The following TRANK1 variants were observed in gnomAD, a reference collection of about 807,000 sequenced individuals.
The protein encoded by TRANK1 is tetratricopeptide repeat and ankyrin repeat containing 1, also known as TPR and ankyrin repeat-containing protein 1.
In TRANK1, 198 loss-of-function variants were observed where a neutral mutation model predicts 266.0. The ratio of observed to expected loss-of-function variants is 0.74; its 90% confidence interval spans 0.66 to 0.84. The LOEUF is 0.84. TRANK1 is among the 40% of genes least tolerant of loss of function. The pLI, the probability that TRANK1 is intolerant of heterozygous loss-of-function variation, is 0.00. For synonymous variants in TRANK1, 1,396 were observed against 1,384.1 expected (o/e 1.01, Z -0.19); for missense variants, 3,326 against 3,634.6 (o/e 0.92, Z 2.18).
chr3:36,902,203 C>A (rs965003935), intron 3 of TRANK1, among the ~76,000 whole-genome samples: 16 of 152,170 alleles, frequency 1.1e-4, no homozygotes, highest in African/African-American at 3.6e-4. Flanking sequence ...TGTCCTGGGC[C>A]AGGGGTTGGA....
chr3:36,843,609 G>A (rs559259748), intron 17 of TRANK1, among the ~76,000 whole-genome samples: 3 of 146,126 alleles, frequency 2.1e-5, no homozygotes, highest in African/African-American at 7.6e-5. Flanking sequence ...ATCCCCCAGA[G>A]TATCACTAGA....
chr3:36,904,081 G>A (rs761699307), intron 2 of TRANK1, among the ~76,000 whole-genome samples: 13 of 151,708 alleles, frequency 8.6e-5, no homozygotes, highest in African/African-American at 2.7e-4. Context: ...TCAGCCTCCC[G>A]AGTAGCTGGG....
chr3:36,842,650 T>A lies in TRANK1; in HGVS notation c.5252A>T (p.Asp1751Val). The A allele has an allele frequency of 6.2e-7, 1 of 1,613,938 alleles. No individual in the cohort carries two copies. The highest frequency in any genetic ancestry group is 8.5e-7 in the Non-Finnish European group (1 of 1,179,868). The change falls in exon 18 of 24, where the codon GAT becomes GTT. Residue 1751 changes from aspartate (D) to valine (V), a missense_variant. Transcript: ENST00000645898. ...CCAGCACTGGTGCTTGGCGTAGTAA[T>A]CTCCCTGTGCAATCCACTCCGCAGG... ...STPAEWIAQG[D>V]YYAKHQCWKV...
At chr3:36,867,665 T>C (rs981337777) in intron 9 of TRANK1, among the ~76,000 whole-genome samples, 3 of 152,240 alleles carry the variant, frequency 2.0e-5, no homozygotes, top group African/African-American at 7.2e-5. Flanking sequence ...CAAGAGTTTT[T>C]TAAAAGATGA....
intron 2 of TRANK1, 80 bp from the exon 3 acceptor site, chr3:36,903,355 C>G: frequency 6.8e-7 from 1 of 1,472,984 alleles, no homozygotes; most frequent in East Asian, 2.5e-5. Flanking sequence ...TCGGTGCTGG[C>G]TGCTGCCATC....
rs150125602 is a variant in TRANK1 at position 36,830,344 on chromosome 3, T to C, written c.8710+529A>G. 2.0e-3 allele frequency among the ~76,000 whole-genome samples: 300 copies of C among 149,944 alleles called. 4 individuals are homozygous for C. Among genetic ancestry groups the C allele is most frequent in the African/African-American group, 6.8e-3 (277 of 40,982 alleles). On this transcript the variant is annotated intron_variant, in intron 22 of 23. Coordinates refer to ENST00000645898, the MANE Select transcript of TRANK1 (RefSeq NM_001329998.2). ...TAAAAAAAAAAAAAAACGGGAAATC[T>C]GATTCTAAAATAACATAAGAATTCT...
chr3:36,898,795 G>C (rs989317732), intron 4 of TRANK1, among the ~76,000 whole-genome samples: 1 of 150,082 alleles, frequency 6.7e-6, no homozygotes, highest in Non-Finnish European at 1.5e-5. Flanking sequence ...AGCTTGCAGT[G>C]AGCCAAGATC....
At chr3:36,867,271 C>T (rs1024936053) in intron 9 of TRANK1, among the ~76,000 whole-genome samples, 1 of 152,102 alleles carries the variant, frequency 6.6e-6, no homozygotes, top group African/African-American at 2.4e-5. Flanking sequence ...TGCTGCTTGT[C>T]TGCCTGATAG....
chr3:36,878,447 G>T (rs1448651106), intron 8 of TRANK1, among the ~76,000 whole-genome samples: 1 of 152,168 alleles, frequency 6.6e-6, no homozygotes, highest in African/African-American at 2.4e-5. Flanking sequence ...CTAACCATCT[G>T]ATTAGTTTCC....
chr3:36,944,540 G>A lies in TRANK1; in HGVS notation c.23+247C>T, dbSNP rs1361312492. 2.0e-5 allele frequency among the ~76,000 whole-genome samples: 3 copies of A among 152,242 alleles called. No individual in the cohort carries two copies. In the East Asian group the frequency reaches 5.8e-4, roughly 29 times the overall value. On this transcript the variant is annotated intron_variant, in intron 1 of 23. Transcript: ENST00000645898. ...GCTAGGCAGGCCGCGCGCCGCCGCA[G>A]TCCTGTCGCAGCGCGTGCCCTGGTC...
At chr3:36,844,971 C>T (rs1298914709) in intron 17 of TRANK1, among the ~76,000 whole-genome samples, 5 of 151,980 alleles carry the variant, frequency 3.3e-5, no homozygotes, top group Admixed American at 2.0e-4. Context: ...TCATGAAGGG[C>T]TGATTATTTC....
At chr3:36,838,305 C>T in intron 20 of TRANK1, 67 bp downstream of exon 20, 2 of 1,590,322 alleles carry the variant, frequency 1.3e-6, no homozygotes, top group Admixed American at 1.7e-5. Flanking sequence ...AGAGGTCGAG[C>T]CTACCCCTCA....
intron 5 of TRANK1, among the ~76,000 whole-genome samples, chr3:36,895,394 G>A (rs2079773838): frequency 6.6e-6 from 1 of 152,182 alleles, no homozygotes; most frequent in South Asian, 2.1e-4. Context: ...ATTAGCATCT[G>A]TACTTTACAT....
chr3:36,884,933 G>GAA (rs201019383), intron 8 of TRANK1, among the ~76,000 whole-genome samples: 7 of 109,550 alleles, frequency 6.4e-5, no homozygotes, highest in Admixed American at 1.9e-4. Flanking sequence ...CTCTGTCTCA[G>GAA]AAAAAAAAAA....
intron 1 of TRANK1, among the ~76,000 whole-genome samples, chr3:36,922,016 A>G (rs918294049): frequency 6.6e-6 from 1 of 152,194 alleles, no homozygotes; most frequent in Non-Finnish European, 1.5e-5. Flanking sequence ...ACATGGTGGC[A>G]TGCACCTGTA....
Position 36,908,464 on chromosome 3 carries a change from G to A in TRANK1, c.24-10C>T. The A allele has an allele frequency of 8.1e-7, 1 of 1,232,198 alleles. No homozygotes were observed. Among genetic ancestry groups the A allele is most frequent in the African/African-American group, 1.5e-5 (1 of 64,550 alleles). 76.3% of individuals were successfully genotyped at this position (1,232,198 alleles called of 1,614,324 possible). On this transcript the variant is annotated splice_polypyrimidine_tract_variant and intron_variant, in intron 1 of 23. Transcript: ENST00000645898. ...AGCTGTCAGGTCCATCCTGTGAGGA[G>A]ACGGGGGAGACGCTTGCTGCCAGAC...
chr3:36,939,313 T>C (rs2080466297), intron 1 of TRANK1, among the ~76,000 whole-genome samples: 1 of 149,122 alleles, frequency 6.7e-6, no homozygotes, highest in Non-Finnish European at 1.5e-5. Flanking sequence ...CTACTTACCT[T>C]TCTAGTATTC....
chr3:36,924,991 G>A (rs2080268629), intron 1 of TRANK1, among the ~76,000 whole-genome samples: 1 of 152,172 alleles, frequency 6.6e-6, no homozygotes, highest in Non-Finnish European at 1.5e-5. Context: ...AAGGTCTGGG[G>A]TGCTAAGGCT....
At chr3:36,892,860 TATATATATATAG>T (rs1178843715) in intron 6 of TRANK1, 29 bp downstream of exon 6, 233 of 721,812 alleles carry the variant, frequency 3.2e-4, no homozygotes, top group African/African-American at 2.0e-3. Context: ...AACATATATA[TATATATATATAG>T]ATATATATAG....
Sources: gnomAD v4.1 joint callset for allele counts (sites outside exome capture counted in the v4.1 genomes callset) on GRCh38, gnomAD v4.1.1 for gene constraint, MANE v1.5 for transcripts, NCBI Gene and HGNC (gene_info 2026-07-23, HGNC 2026-07-21) for gene names.